MAEA: variants seen among roughly 807,000 people sequenced by gnomAD.
The protein encoded by MAEA is macrophage erythroblast attacher, E3 ubiquitin ligase, also known as E3 ubiquitin-protein transferase MAEA.
Under a neutral mutation model 46.2 loss-of-function variants are expected in MAEA, and 22 were observed. That is an observed-to-expected ratio of 0.48 (90% CI 0.34 to 0.68). The LOEUF is 0.68. Ranked by LOEUF, MAEA falls within the 30% of genes least tolerant of loss-of-function variation. The pLI, the probability that MAEA is intolerant of heterozygous loss-of-function variation, is 0.01. For synonymous variants in MAEA, 246 were observed against 222.6 expected (o/e 1.11, Z -0.94); for missense variants, 393 against 558.1 (o/e 0.70, Z 2.98).
At chr4:1,326,083 C>G (rs1018804757) in intron 4 of MAEA, among the ~76,000 whole-genome samples, 1 of 152,194 alleles carries the variant, frequency 6.6e-6, no homozygotes, top group African/African-American at 2.4e-5. Flanking sequence ...CTCCCCACAC[C>G]CACGCGGAGC....
intron 1 of MAEA, among the ~76,000 whole-genome samples, chr4:1,296,811 A>G (rs1162785820): frequency 6.6e-6 from 1 of 152,034 alleles, no homozygotes; most frequent in Non-Finnish European, 1.5e-5. Context: ...CACTGCCTCG[A>G]GACGCTCCCA....
chr4:1,302,490 T>C (rs1358385568), intron 1 of MAEA, among the ~76,000 whole-genome samples: 1 of 152,238 alleles, frequency 6.6e-6, no homozygotes, highest in East Asian at 1.9e-4. Context: ...AAACTTGTTT[T>C]TTTGAGTTGG....
At chr4:1,298,327 T>G (rs73796066) in intron 1 of MAEA, among the ~76,000 whole-genome samples, 1 of 128,962 alleles carries the variant, frequency 7.8e-6, no homozygotes, top group Middle Eastern at 3.5e-3. Flanking sequence ...TGAAGAGGCA[T>G]GTGCCGTCTT....
chr4:1,325,115 G>A (rs890702868), intron 4 of MAEA, among the ~76,000 whole-genome samples: 12 of 152,282 alleles, frequency 7.9e-5, no homozygotes, highest in Middle Eastern at 3.4e-3. Context: ...GTGCACGCAC[G>A]CCAGGGGGTG....
chr4:1,337,041 C>G (rs1712861483), intron 7 of MAEA, 47 bp downstream of exon 7: 2 of 1,603,456 alleles, frequency 1.2e-6, no homozygotes, highest in African/African-American at 2.7e-5. Flanking sequence ...GGGTTGGCAT[C>G]TTTGGTCATA....
At chr4:1,319,050 C>T (rs568117761) in intron 3 of MAEA, among the ~76,000 whole-genome samples, 2 of 152,280 alleles carry the variant, frequency 1.3e-5, no homozygotes, top group Admixed American at 6.5e-5. Context: ...TGGTGCTGTG[C>T]GCCTGCCTGT....
chr4:1,302,384 CA>C (rs1278259855), intron 1 of MAEA, among the ~76,000 whole-genome samples: 4 of 152,180 alleles, frequency 2.6e-5, no homozygotes, highest in Admixed American at 6.5e-5. Flanking sequence ...CTGCTCAGAA[CA>C]GGGAGAAAAT....
intron 3 of MAEA, among the ~76,000 whole-genome samples, chr4:1,319,977 T>C (rs536105359): frequency 0.011 from 1,645 of 143,668 alleles, 43 homozygotes; most frequent in African/African-American, 0.041. Context: ...TGAAGGGGCT[T>C]CAGAAAAGAA....
At position 1,322,450 on chromosome 4, in the gene MAEA, G is replaced by A; in HGVS notation, c.526G>A (p.Ala176Thr). Reference sequence around the variant, plus strand: ...GGAGTCCCTGGAGAGGCGTGAGACGGCCACCTGCCTGGCCTGGTGCCATGA... The same window carrying A: ...GGAGTCCCTGGAGAGGCGTGAGACGACCACCTGCCTGGCCTGGTGCCATGA... ...VEESLERRET[A>T]TCLAWCHDNK... The change falls in exon 4 of 9, where the codon GCC becomes ACC. Residue 176 changes from alanine (A) to threonine (T), a missense_variant. Coordinates refer to ENST00000303400, the MANE Select transcript of MAEA (RefSeq NM_001017405.3). 1.2e-6 allele frequency: 2 copies of A among 1,614,034 alleles called. No homozygotes were observed. Among genetic ancestry groups the A allele is most frequent in the Non-Finnish European group, 1.7e-6 (2 of 1,179,998 alleles).
chr4:1,303,176 C>T (rs1735491249), intron 1 of MAEA, among the ~76,000 whole-genome samples: 1 of 134,300 alleles, frequency 7.4e-6, no homozygotes, highest in African/African-American at 2.8e-5. Context: ...ATCATGAGCT[C>T]AGGAGATTGA....
In MAEA at chr4:1,339,503, C is replaced by G. The variant is rs1281437613; in HGVS notation, c.*334C>G. On this transcript the variant is annotated 3_prime_UTR_variant, in exon 9 of 9. Transcript: ENST00000303400. ...TAAAATATAGGAGTCCGTGATTTCC[C>G]TGTGTTTTCAGTTTCTTTCCTTCTG... The G allele has an allele frequency of 9.7e-6, 3 of 310,244 alleles. No homozygotes were observed. Among genetic ancestry groups the G allele is most frequent in the African/African-American group, 6.6e-5 (3 of 45,496 alleles). 19.2% of individuals were successfully genotyped at this position (310,244 alleles called of 1,614,324 possible).
intron 7 of MAEA, 160 bp downstream of exon 7, chr4:1,337,154 G>T: frequency 1.2e-6 from 1 of 867,310 alleles, no homozygotes; most frequent in Admixed American, 2.7e-5. Context: ...TGGTCGGGGT[G>T]GGGCCGTGTT....
At chr4:1,323,749 A>T (rs1281944182) in intron 4 of MAEA, 9 of 637,916 alleles carry the variant, frequency 1.4e-5, no homozygotes, top group Non-Finnish European at 2.6e-5. Flanking sequence ...TGCTGCCAGG[A>T]TATTCCTGCA....
intron 3 of MAEA, among the ~76,000 whole-genome samples, chr4:1,319,297 G>C (rs1032211166): frequency 1.3e-5 from 2 of 152,128 alleles, no homozygotes; most frequent in African/African-American, 4.8e-5. Context: ...AGGCTGCAGT[G>C]AGCCAAGATT....
chr4:1,333,685 ATGCCCACCGTGTGCTCACCCCCT>A (rs1712167695), intron 6 of MAEA, among the ~76,000 whole-genome samples: 1 of 12,190 alleles, frequency 8.2e-5, no homozygotes, highest in Non-Finnish European at 1.5e-4. Flanking sequence ...CACCCACCCC[ATGCCCACCGTGTGCTCACCCCCT>A]TGCCCACCCC....
chr4:1,292,697 T>A (rs1734217292), intron 1 of MAEA, among the ~76,000 whole-genome samples: 1 of 152,114 alleles, frequency 6.6e-6, no homozygotes, highest in East Asian at 1.9e-4. Context: ...CCCTGAGAAT[T>A]GCTGGGCTGG....
chr4:1,318,182 T>C (rs1443368304), intron 3 of MAEA, among the ~76,000 whole-genome samples: 1 of 151,994 alleles, frequency 6.6e-6, no homozygotes, highest in Non-Finnish European at 1.5e-5. Context: ...GCCCCCCGTG[T>C]GTTCATAGAT....
chr4:1,337,864 ACCTGTGACTGACTGTCCT>A (rs1712999312), intron 7 of MAEA: 1 of 171,006 alleles, frequency 5.8e-6, no homozygotes. Context: ...CTCTGTCCCC[ACCTGTGACTGACTGTCCT>A]CCTGCAACTG....
chr4:1,318,549 G>C (rs572017815), intron 3 of MAEA, among the ~76,000 whole-genome samples: 1 of 152,290 alleles, frequency 6.6e-6, no homozygotes, highest in African/African-American at 2.4e-5. Flanking sequence ...GAAGGCGGGC[G>C]TGTGGAGCCC....
Sources: allele counts gnomAD v4.1 joint callset (sites outside exome capture counted in the v4.1 genomes callset), GRCh38; gene constraint gnomAD v4.1.1; transcripts MANE v1.5; gene names NCBI Gene and HGNC (gene_info 2026-07-23, HGNC 2026-07-21).